Variants in METTL25 observed in about 807,000 individuals in gnomAD.
The protein encoded by METTL25 is probable methyltransferase-like protein 25.
Under a neutral mutation model 71.6 loss-of-function variants are expected in METTL25, and 64 were observed. The observed-to-expected ratio is 0.89, with a 90% CI of 0.73 to 1.10. The LOEUF is 1.10. Among genes scored for constraint, METTL25 ranks in the 50% least tolerant of loss-of-function variants. METTL25 has a pLI of 0.00. For synonymous variants in METTL25, 287 were observed against 250.3 expected, an observed-to-expected ratio of 1.15 and a Z score of -1.38; for missense variants, 807 against 707.0, an observed-to-expected ratio of 1.14 and a Z score of -1.60.
chr12:82,397,509 TG>T (rs1471404270), intron 3 of METTL25, among the ~76,000 whole-genome samples: 1 of 152,124 alleles, frequency 6.6e-6, no homozygotes, highest in Non-Finnish European at 1.5e-5. Flanking sequence ...ACATAAGAAA[TG>T]TTTGCCTATC....
At position 82,398,886 on chromosome 12, in the gene METTL25, C is replaced by T. The variant is rs1320548031; in HGVS notation, c.623C>T (p.Thr208Ile). ...LKVYGIDSSN[T>I]NTHGAEERNR... is the part of the protein sequence containing the mutation. ...GTTTATGGAATTGATTCTTCAAATA[C>T]CAATACTCATGGAGCTGAGGAGAGA... The change falls in exon 4 of 12, where the codon ACC becomes ATC. Residue 208 changes from threonine (T) to isoleucine (I), a missense_variant. Coordinates refer to ENST00000248306, the MANE Select transcript of METTL25 (RefSeq NM_032230.3). 1.2e-6 allele frequency: 2 copies of T among 1,610,254 alleles called. No homozygotes were observed. Among genetic ancestry groups the T allele is most frequent in the Non-Finnish European group, 1.7e-6 (2 of 1,178,824 alleles).
intron 1 of METTL25, among the ~76,000 whole-genome samples, chr12:82,361,666 A>G (rs1428320612): frequency 6.6e-6 from 1 of 152,138 alleles, no homozygotes; most frequent in African/African-American, 2.4e-5. Context: ...CCTGGGTGCT[A>G]AGCTCCTCAC....
intron 5 of METTL25, among the ~76,000 whole-genome samples, chr12:82,413,705 A>G (rs1003042033): frequency 2.0e-5 from 3 of 152,144 alleles, no homozygotes; most frequent in African/African-American, 7.2e-5. Flanking sequence ...GCTTTCTGAA[A>G]CATGCGTATT....
intron 8 of METTL25, among the ~76,000 whole-genome samples, chr12:82,450,397 A>G (rs1891056102): frequency 6.6e-6 from 1 of 152,060 alleles, no homozygotes; most frequent in Non-Finnish European, 1.5e-5. Context: ...TTCAGAATAT[A>G]TGTAATTTTT....
At chr12:82,402,166 T>C (rs913131408) in intron 4 of METTL25, among the ~76,000 whole-genome samples, 2 of 152,062 alleles carry the variant, frequency 1.3e-5, no homozygotes, top group African/African-American at 4.8e-5. Flanking sequence ...TTAAATACGA[T>C]GTATACTATA....
Position 82,455,124 on chromosome 12 carries a change from G to A in METTL25, c.1479-1603G>A, listed in dbSNP as rs1277264499. Among the ~76,000 whole-genome samples, 4 of 151,464 alleles carry A rather than the reference G, an allele frequency of 2.6e-5. No homozygotes were observed. The East Asian group carries it at 5.8e-4, about 22-fold the overall frequency. ...TATAAAATTGGAGCCAGAATAACTG[G>A]CTTATGGGAAAAACTTAAGTGCTTG... On this transcript the variant is annotated intron_variant, in intron 8 of 11. Coordinates refer to ENST00000248306, the MANE Select transcript of METTL25 (RefSeq NM_032230.3).
intron 5 of METTL25, among the ~76,000 whole-genome samples, chr12:82,423,649 A>C (rs1218815587): frequency 2.0e-5 from 3 of 152,204 alleles, no homozygotes; most frequent in Non-Finnish European, 4.4e-5. Context: ...CTCATCTGAC[A>C]AAGGGCTAAT....
chr12:82,415,069 G>A (rs1333945879), intron 5 of METTL25, among the ~76,000 whole-genome samples: 5 of 152,232 alleles, frequency 3.3e-5, no homozygotes, highest in Non-Finnish European at 4.4e-5. Flanking sequence ...ACTCCACTGG[G>A]AAGCTCCTAT....
intron 8 of METTL25, among the ~76,000 whole-genome samples, chr12:82,456,193 T>C (rs1891475334): frequency 6.6e-6 from 1 of 152,010 alleles, no homozygotes; most frequent in African/African-American, 2.4e-5. Context: ...TCTAGCATTG[T>C]ATTGTTTAAA....
intron 8 of METTL25, among the ~76,000 whole-genome samples, chr12:82,445,362 A>T (rs986473540): frequency 2.0e-5 from 3 of 152,196 alleles, no homozygotes; most frequent in African/African-American, 7.2e-5. Flanking sequence ...GTCAAGAGAA[A>T]TGTAAACTAA....
At chr12:82,474,354 C>T (rs1040924369) in intron 9 of METTL25, 2 of 152,294 alleles carry the variant, frequency 1.3e-5, no homozygotes, top group Non-Finnish European at 1.5e-5. Context: ...CCCTGCTGCA[C>T]TCCAGTGCTC....
At chr12:82,384,402 C>T (rs2136931918) in intron 1 of METTL25, among the ~76,000 whole-genome samples, 1 of 115,858 alleles carries the variant, frequency 8.6e-6, no homozygotes, top group South Asian at 3.3e-4. Context: ...TCTCTGTCTT[C>T]CTCCCTCCCT....
intron 8 of METTL25, among the ~76,000 whole-genome samples, chr12:82,454,258 G>A (rs1261652054): frequency 6.6e-6 from 1 of 152,036 alleles, no homozygotes; most frequent in Non-Finnish European, 1.5e-5. Context: ...GCCAGAAAAG[G>A]CTTAACTAAG....
chr12:82,426,118 G>T (rs1207264522), intron 5 of METTL25, among the ~76,000 whole-genome samples: 1 of 152,000 alleles, frequency 6.6e-6, no homozygotes, highest in African/African-American at 2.4e-5. Context: ...GTCATATGAG[G>T]GAGCTTCAGT....
intron 1 of METTL25, among the ~76,000 whole-genome samples, chr12:82,371,356 G>T (rs1368519697): frequency 6.6e-6 from 1 of 152,178 alleles, no homozygotes; most frequent in Non-Finnish European, 1.5e-5. Flanking sequence ...TGCCCTCTGG[G>T]GCAGTGTGCC....
chr12:82,361,060 G>C (rs1191098036), intron 1 of METTL25, among the ~76,000 whole-genome samples: 1 of 152,132 alleles, frequency 6.6e-6, no homozygotes, highest in African/African-American at 2.4e-5. Context: ...GCTGGCGCCA[G>C]CAGTCTGCTT....
chr12:82,443,718 C>G (rs1890531361), intron 8 of METTL25, among the ~76,000 whole-genome samples: 1 of 152,106 alleles, frequency 6.6e-6, no homozygotes, highest in Admixed American at 6.6e-5. Context: ...AAAGTATAGA[C>G]AGCATGTGCA....
At chr12:82,373,367 T>C (rs1368156721) in intron 1 of METTL25, among the ~76,000 whole-genome samples, 1 of 152,176 alleles carries the variant, frequency 6.6e-6, no homozygotes, top group Non-Finnish European at 1.5e-5. Flanking sequence ...AAATTCAAGA[T>C]AGTCCCTCCT....
intron 9 of METTL25, among the ~76,000 whole-genome samples, chr12:82,471,298 T>C (rs745864069): frequency 5.3e-5 from 8 of 152,234 alleles, no homozygotes; most frequent in Non-Finnish European, 1.0e-4. Context: ...CCCCACTAGA[T>C]GGGGCCACAT....
Sources: gnomAD v4.1 joint callset for allele counts (sites outside exome capture counted in the v4.1 genomes callset) on GRCh38, gnomAD v4.1.1 for gene constraint, MANE v1.5 for transcripts, NCBI Gene and HGNC (gene_info 2026-07-23, HGNC 2026-07-21) for gene names.